The following CUX1 variants were observed in gnomAD, a reference collection of about 807,000 sequenced individuals.
The protein encoded by CUX1 is cut like homeobox 1.
In CUX1, 31 loss-of-function variants were observed where a neutral mutation model predicts 158.8. The ratio of observed to expected loss-of-function variants is 0.20; its 90% CI spans 0.15 to 0.26. The LOEUF (loss-of-function observed/expected upper bound fraction) is 0.26. CUX1 is among the 10% of genes least tolerant of loss of function. CUX1 has a pLI of 1.00. For synonymous variants in CUX1, 879 were observed against 862.1 expected, an observed-to-expected ratio of 1.02 and a Z score of -0.34; for missense variants, 1,589 against 2,014.6, an observed-to-expected ratio of 0.79 and a Z score of 4.04.
At chr7:102,225,094 A>G (rs1798212499) in intron 20 of CUX1, among the ~76,000 whole-genome samples, 1 of 152,162 alleles carries the variant, frequency 6.6e-6, no homozygotes, top group South Asian at 2.1e-4. Context: ...GGGTGAGCAG[A>G]GAGAAGAAAT....
At chr7:101,984,089 A>AAAT (rs1221503978) in intron 2 of CUX1, among the ~76,000 whole-genome samples, 10 of 29,828 alleles carry the variant, frequency 3.4e-4, no homozygotes, top group South Asian at 2.1e-3. Flanking sequence ...AAAAAAAAAA[A>AAAT]ATATATATAT....
At chr7:101,907,541 G>T (rs1802895033) in intron 1 of CUX1, among the ~76,000 whole-genome samples, 1 of 151,984 alleles carries the variant, frequency 6.6e-6, no homozygotes. Context: ...TAGAGACAGG[G>T]TTTCACCATG....
intron 21 of CUX1, among the ~76,000 whole-genome samples, chr7:102,282,256 G>A (rs371687924): frequency 6.6e-6 from 1 of 152,188 alleles, no homozygotes; most frequent in Non-Finnish European, 1.5e-5. Flanking sequence ...GGACAGTCAC[G>A]AAGACTGCAC....
intron 8 of CUX1, among the ~76,000 whole-genome samples, chr7:102,139,508 T>A (rs1834228065): frequency 6.6e-6 from 1 of 152,184 alleles, no homozygotes; most frequent in African/African-American, 2.4e-5. Context: ...TTAAGACTCC[T>A]TTCCAGCCAG....
At chr7:102,101,728 G>A (rs1477943128) in intron 5 of CUX1, among the ~76,000 whole-genome samples, 1 of 152,018 alleles carries the variant, frequency 6.6e-6, no homozygotes, top group African/African-American at 2.4e-5. Flanking sequence ...TCGCCAACAT[G>A]GTGAAACCCC....
rs371851223 is a variant in CUX1, at chr7:102,095,501, C to T, written c.269-1863C>T. 2.6e-4 allele frequency among the ~76,000 whole-genome samples: 40 copies of T among 152,254 alleles called. No homozygotes were observed. The East Asian group carries it at 6.8e-3, about 26-fold the overall frequency. ...AACCCCAGCACCCGGGATCTGCTGACGTTGAGCCCAACATATCCCAGCGCC... is the reference window on the plus strand; with the variant it reads ...AACCCCAGCACCCGGGATCTGCTGATGTTGAGCCCAACATATCCCAGCGCC... On this transcript the variant is annotated intron_variant, in intron 4 of 23. Coordinates refer to ENST00000292535, the MANE Select transcript of CUX1 (RefSeq NM_181552.4).
intron 2 of CUX1, among the ~76,000 whole-genome samples, chr7:102,014,858 CAAAAAAAAA>C (rs59972216): frequency 7.8e-6 from 1 of 127,920 alleles, no homozygotes; most frequent in Non-Finnish European, 1.7e-5. Flanking sequence ...CCCCAACCAC[CAAAAAAAAA>C]AAAAAAAGAA....
At chr7:102,015,328 C>T (rs542263028) in intron 2 of CUX1, among the ~76,000 whole-genome samples, 27 of 152,038 alleles carry the variant, frequency 1.8e-4, no homozygotes, top group South Asian at 6.2e-4. Flanking sequence ...CCCAGGTTCA[C>T]GCAATTCTCC....
intron 2 of CUX1, among the ~76,000 whole-genome samples, chr7:102,017,370 G>C (rs1818746123): frequency 6.6e-6 from 1 of 151,346 alleles, no homozygotes; most frequent in African/African-American, 2.4e-5. Flanking sequence ...AGTATTCACT[G>C]TGTCTGCCCC....
intron 8 of CUX1, among the ~76,000 whole-genome samples, chr7:102,132,283 G>A (rs184690259): frequency 9.0e-6 from 1 of 111,548 alleles, no homozygotes; most frequent in East Asian, 2.1e-4. Flanking sequence ...CAATATATAT[G>A]AGAGAGAGAG....
At chr7:102,168,860 G>A (rs1173173720) in intron 9 of CUX1, among the ~76,000 whole-genome samples, 2 of 150,672 alleles carry the variant, frequency 1.3e-5, no homozygotes, top group South Asian at 2.1e-4. Flanking sequence ...TAAAACACAC[G>A]ATGGAGACGC....
chr7:101,837,768 G>T (rs1309358356), intron 1 of CUX1, among the ~76,000 whole-genome samples: 1 of 138,288 alleles, frequency 7.2e-6, no homozygotes, highest in Non-Finnish European at 1.5e-5. Flanking sequence ...GAGGTCGAAG[G>T]TGCAGGGAGC....
chr7:102,052,898 C>T (rs1339976184), intron 3 of CUX1, among the ~76,000 whole-genome samples: 2 of 151,264 alleles, frequency 1.3e-5, no homozygotes, highest in African/African-American at 4.9e-5. Flanking sequence ...ACCTCTGCCT[C>T]GCAGGTTCAA....
chr7:101,927,884 G>A (rs1208166610), intron 2 of CUX1, among the ~76,000 whole-genome samples: 9 of 152,180 alleles, frequency 5.9e-5, no homozygotes, highest in African/African-American at 1.7e-4. Context: ...CAGGGGCGGC[G>A]GGTGGCATCT....
chr7:102,280,313 C>A (rs368472556), intron 19 of CUX1, among the ~76,000 whole-genome samples: 1 of 152,130 alleles, frequency 6.6e-6, no homozygotes, highest in Non-Finnish European at 1.5e-5. Flanking sequence ...GGCCAGGAGC[C>A]CCCCCAAGAC....
chr7:102,051,654 C>CAAAA (rs1299911064), intron 3 of CUX1, among the ~76,000 whole-genome samples: 6 of 89,752 alleles, frequency 6.7e-5, no homozygotes, highest in African/African-American at 2.0e-4. Context: ...GACTCTGTCT[C>CAAAA]AAAAAAAAAA....
At chr7:101,979,323 C>T (rs374973455) in intron 2 of CUX1, among the ~76,000 whole-genome samples, 1 of 152,154 alleles carries the variant, frequency 6.6e-6, no homozygotes, top group Admixed American at 6.5e-5. Context: ...TCACCCACAC[C>T]GAAGGAATGA....
intron 3 of CUX1, among the ~76,000 whole-genome samples, chr7:102,057,771 C>T (rs1381348426): frequency 6.6e-6 from 1 of 152,158 alleles, no homozygotes; most frequent in African/African-American, 2.4e-5. Flanking sequence ...GGTGAAGATG[C>T]TGTGAATATT....
chr7:102,160,435 C>T (rs1312974301), intron 9 of CUX1, among the ~76,000 whole-genome samples: 1 of 152,062 alleles, frequency 6.6e-6, no homozygotes, highest in Non-Finnish European at 1.5e-5. Context: ...CCCCAGCTAC[C>T]TAAGAAGTTT....
Sources: gnomAD v4.1 joint callset for allele counts (sites outside exome capture counted in the v4.1 genomes callset) on GRCh38, gnomAD v4.1.1 for gene constraint, MANE v1.5 for transcripts, NCBI Gene and HGNC (gene_info 2026-07-23, HGNC 2026-07-21) for gene names.